Variants in DISC1 observed in about 807,000 individuals in gnomAD.
DISC1 encodes DISC1 scaffold protein.
In DISC1, 57 loss-of-function variants were observed where a neutral mutation model predicts 84.5. The ratio of observed to expected loss-of-function variants is 0.67; its 90% CI spans 0.55 to 0.84. DISC1 has a LOEUF of 0.84. DISC1 is among the 40% of genes least tolerant of loss of function. The pLI, the probability that DISC1 is intolerant of heterozygous loss-of-function variation, is 0.00. For synonymous variants in DISC1, 411 were observed against 415.2 expected (o/e 0.99, Z 0.12); for missense variants, 1,000 against 1,057.8 (o/e 0.95, Z 0.76).
chr1:231,626,840 G>A lies in DISC1; in HGVS notation c.-28G>A, dbSNP rs1010152286. On this transcript the variant is annotated 5_prime_UTR_variant, in exon 1 of 13. Transcript: ENST00000439617. ...GGAAGGAGCAGGAGGCAGCCCAGGC[G>A]GAGCGGGAGGAGCTGGCAGCGGGGC... 3 of 1,428,124 alleles carry A rather than the reference G, an allele frequency of 2.1e-6. No individual in the cohort carries two copies. The highest frequency in any genetic ancestry group is 2.7e-6 in the Non-Finnish European group (3 of 1,101,912). 88.5% of individuals were successfully genotyped at this position (1,428,124 alleles called of 1,614,324 possible).
chr1:231,702,871 T>C (rs16854805), intron 3 of DISC1, among the ~76,000 whole-genome samples: 2,530 of 152,154 alleles, frequency 0.017, 81 homozygotes, highest in African/African-American at 0.058. Flanking sequence ...GAAAATGACA[T>C]GTAGATTCCC....
intron 3 of DISC1, among the ~76,000 whole-genome samples, chr1:231,711,362 T>TC (rs1383417499): frequency 1.4e-5 from 2 of 146,810 alleles, no homozygotes; most frequent in Admixed American, 6.8e-5. Flanking sequence ...TATTTCTTTT[T>TC]TTTTTTTTTT....
At chr1:231,907,727 C>G (rs2088849455) in intron 9 of DISC1, among the ~76,000 whole-genome samples, 1 of 152,172 alleles carries the variant, frequency 6.6e-6, no homozygotes, top group African/African-American at 2.4e-5. Flanking sequence ...ATTTCTAGTT[C>G]TAGATCCTTG....
intron 1 of DISC1, chr1:231,684,634 A>C (rs2064041436): frequency 6.6e-6 from 1 of 152,086 alleles, no homozygotes. Flanking sequence ...GCTTTTGTTT[A>C]TACTTTTAGC....
intron 1 of DISC1, among the ~76,000 whole-genome samples, chr1:231,639,970 C>G (rs767197006): frequency 6.6e-6 from 1 of 152,190 alleles, no homozygotes; most frequent in Non-Finnish European, 1.5e-5. Flanking sequence ...AGTGTTTCTA[C>G]AGCAAAACAG....
In DISC1 at chr1:231,750,071, T is replaced by C. The variant is rs1230835999; in HGVS notation, c.1263T>C (p.Thr421=). ...AGGCTGCCTTGCGCCGTGGGGCCACTCAGCAGTGAGTACTTGTTATTGTCA... is the reference window on the plus strand; with the variant it reads ...AGGCTGCCTTGCGCCGTGGGGCCACCCAGCAGTGAGTACTTGTTATTGTCA... ...QVQAALRRGA[T]QQASGDDTHT... The change falls in exon 4 of 13, where the codon ACT becomes ACC. Residue 421 remains threonine, a synonymous_variant. Coordinates refer to ENST00000439617, the MANE Select transcript of DISC1 (RefSeq NM_018662.3). The C allele has an allele frequency of 6.2e-7, 1 of 1,613,820 alleles. No individual in the cohort carries two copies. Among genetic ancestry groups the C allele is most frequent in the Non-Finnish European group, 8.5e-7 (1 of 1,179,846 alleles).
At chr1:231,703,597 G>C (rs1332562471) in intron 3 of DISC1, among the ~76,000 whole-genome samples, 2 of 152,154 alleles carry the variant, frequency 1.3e-5, no homozygotes, top group African/African-American at 4.8e-5. Flanking sequence ...TTTGTCCCCT[G>C]CTCCTGCTTA....
intron 11 of DISC1, among the ~76,000 whole-genome samples, chr1:232,014,638 T>A (rs1200568828): frequency 6.6e-6 from 1 of 152,254 alleles, no homozygotes; most frequent in Non-Finnish European, 1.5e-5. Flanking sequence ...CCCTCTCATT[T>A]GCTATTCATT....
At chr1:231,886,771 CTTTCTTT>C (rs1558691947) in intron 9 of DISC1, among the ~76,000 whole-genome samples, 7,456 of 73,468 alleles carry the variant, frequency 0.1, 404 homozygotes, top group East Asian at 0.12. Flanking sequence ...TCCTTCCTTT[CTTTCTTT>C]CTTTCTTTCT....
intron 1 of DISC1, among the ~76,000 whole-genome samples, chr1:231,638,234 G>A (rs1029975956): frequency 6.6e-6 from 1 of 152,138 alleles, no homozygotes; most frequent in African/African-American, 2.4e-5. Context: ...TCTGGATATT[G>A]TTGGATGCAT....
intron 9 of DISC1, among the ~76,000 whole-genome samples, chr1:231,910,235 C>T (rs1444556387): frequency 6.6e-6 from 1 of 152,100 alleles, no homozygotes; most frequent in African/African-American, 2.4e-5. Context: ...TGTGTTTGCT[C>T]TTGCTTCTCT....
At chr1:231,721,178 A>C in intron 3 of DISC1, 1 of 1,112,780 alleles carries the variant, frequency 9.0e-7, no homozygotes, top group Non-Finnish European at 1.2e-6. Context: ...GAAATAATAC[A>C]TATAAAAACT....
intron 9 of DISC1, among the ~76,000 whole-genome samples, chr1:231,822,889 C>T (rs1558611352): frequency 6.6e-6 from 1 of 152,140 alleles, no homozygotes; most frequent in Non-Finnish European, 1.5e-5. Context: ...CTCTTTTTAA[C>T]AACCAGCTCT....
At chr1:231,782,656 G>A (rs1444107349) in intron 6 of DISC1, among the ~76,000 whole-genome samples, 2 of 152,168 alleles carry the variant, frequency 1.3e-5, no homozygotes, top group Non-Finnish European at 2.9e-5. Flanking sequence ...AAATGCAAAT[G>A]GCTGGGCACA....
At position 231,694,800 on chromosome 1, in the gene DISC1, A is replaced by G. The variant is rs751543084; in HGVS notation, c.1042A>G (p.Met348Val). 5 of 1,613,580 alleles carry G rather than the reference A, an allele frequency of 3.1e-6. No homozygotes were observed. The highest frequency in any genetic ancestry group is 4.2e-6 in the Non-Finnish European group (5 of 1,179,966). Reference protein sequence around the residue: ...RDCLLRNRRQMEVISLRLKLQ... With the variant: ...RDCLLRNRRQVEVISLRLKLQ... ...CTGCCTGCTGAGAAACCGGAGGCAG[A>G]TGGAGGTCAGTGTCTCTTCCACCTC... The change falls in exon 2 of 13, where the codon ATG (methionine) becomes GTG (valine). Residue 348 changes from methionine to valine, a missense_variant. Met to Val is a conservative substitution (Grantham distance 21, BLOSUM62 1). Around this residue, in one of 3 missense-constraint regions of DISC1, gnomAD observed 311 missense variants for 400.1 expected, o/e 0.78. Transcript: ENST00000439617.
chr1:231,651,093 G>T (rs1167867818), intron 1 of DISC1, among the ~76,000 whole-genome samples: 2 of 152,154 alleles, frequency 1.3e-5, no homozygotes, highest in Non-Finnish European at 2.9e-5. Flanking sequence ...TCTCTGTCCA[G>T]CTTTGTTCTG....
intron 3 of DISC1, among the ~76,000 whole-genome samples, chr1:231,733,501 G>A (rs2071928057): frequency 6.8e-6 from 1 of 146,722 alleles, no homozygotes; most frequent in African/African-American, 2.5e-5. Flanking sequence ...GGCAGTGCTG[G>A]TGATGGTGAG....
At chr1:232,024,688 G>C (rs1669286311) in intron 11 of DISC1, among the ~76,000 whole-genome samples, 2 of 151,998 alleles carry the variant, frequency 1.3e-5, no homozygotes, top group Admixed American at 1.3e-4. Context: ...CGCCTCCCGG[G>C]TTCAAGCGAT....
intron 3 of DISC1, among the ~76,000 whole-genome samples, chr1:231,730,550 G>C (rs1293493855): frequency 6.6e-6 from 1 of 152,128 alleles, no homozygotes; most frequent in Non-Finnish European, 1.5e-5. Context: ...AGTGAACATA[G>C]CACCCAATAA....
Sources: allele counts gnomAD v4.1 joint callset (sites outside exome capture counted in the v4.1 genomes callset), GRCh38; gene constraint gnomAD v4.1.1; regional missense constraint gnomAD v4.1.1; transcripts MANE v1.5; gene names NCBI Gene and HGNC (gene_info 2026-07-23, HGNC 2026-07-21).